Variants in PTPRD observed in about 807,000 individuals in gnomAD.
PTPRD encodes the protein protein tyrosine phosphatase receptor type D.
In PTPRD, 34 loss-of-function variants were observed where a neutral mutation model predicts 214.5. The ratio of observed to expected loss-of-function variants is 0.16; its 90% confidence interval spans 0.12 to 0.21. The LOEUF (loss-of-function observed/expected upper bound fraction) is 0.21. Among genes scored for constraint, PTPRD ranks in the 10% least tolerant of loss-of-function variants. PTPRD has a pLI of 1.00. For missense variants in PTPRD, 2,545 were observed against 2,398.7 expected (o/e 1.06, Z -1.27); for synonymous variants, 1,128 against 845.7 (o/e 1.33, Z -5.79).
At chr9:8,425,098 T>G (rs2094576041) in intron 35 of PTPRD, among the ~76,000 whole-genome samples, 1 of 152,176 alleles carries the variant, frequency 6.6e-6, no homozygotes, top group African/African-American at 2.4e-5. Context: ...AGAAAAACCA[T>G]GACAAATAAT....
chr9:9,462,148 A>G (rs571045257), intron 8 of PTPRD, among the ~76,000 whole-genome samples: 46 of 152,238 alleles, frequency 3.0e-4, no homozygotes, highest in African/African-American at 1.1e-3. Context: ...TGTTGAATTA[A>G]AAAGTATGAG....
At chr9:9,968,228 G>T (rs1468186785) in intron 4 of PTPRD, among the ~76,000 whole-genome samples, 1 of 152,088 alleles carries the variant, frequency 6.6e-6, no homozygotes, top group East Asian at 1.9e-4. Context: ...ACATTTGAAG[G>T]CCACAGATTT....
At chr9:10,086,812 G>T (rs990641281) in intron 3 of PTPRD, among the ~76,000 whole-genome samples, 21 of 151,758 alleles carry the variant, frequency 1.4e-4, no homozygotes, top group African/African-American at 5.1e-4. Flanking sequence ...TTCAGGAGAT[G>T]AGTTCAAATC....
At chr9:9,275,198 A>ATT (rs1555160172) in intron 9 of PTPRD, among the ~76,000 whole-genome samples, 2 of 12,952 alleles carry the variant, frequency 1.5e-4, no homozygotes, top group East Asian at 2.4e-3. Flanking sequence ...ATATATATAT[A>ATT]TTATATATAT....
At chr9:9,472,135 T>C (rs1475757488) in intron 8 of PTPRD, among the ~76,000 whole-genome samples, 1 of 151,956 alleles carries the variant, frequency 6.6e-6, no homozygotes, top group Non-Finnish European at 1.5e-5. Context: ...AAAGGACGTG[T>C]CTCATTTACA....
At chr9:10,263,715 C>T (rs1379400605) in intron 3 of PTPRD, among the ~76,000 whole-genome samples, 1 of 152,086 alleles carries the variant, frequency 6.6e-6, no homozygotes, top group South Asian at 2.1e-4. Flanking sequence ...GAAATTCAAG[C>T]GTGCTGCAGA....
At chr9:10,049,907 T>C (rs531644710) in intron 3 of PTPRD, among the ~76,000 whole-genome samples, 3 of 152,288 alleles carry the variant, frequency 2.0e-5, no homozygotes, top group South Asian at 4.2e-4. Context: ...TAGGGTAGCA[T>C]GACCTGTCTC....
At chr9:9,056,733 C>G (rs2099696924) in intron 10 of PTPRD, among the ~76,000 whole-genome samples, 1 of 152,220 alleles carries the variant, frequency 6.6e-6, no homozygotes, top group Admixed American at 6.5e-5. Flanking sequence ...CCAAGTCTTC[C>G]ATGTTTGGCG....
chr9:9,877,123 A>G (rs1445262088), intron 5 of PTPRD, among the ~76,000 whole-genome samples: 1 of 152,164 alleles, frequency 6.6e-6, no homozygotes, highest in African/African-American at 2.4e-5. Context: ...TTCAGCTGTC[A>G]TTTGAAATTT....
chr9:10,361,351 G>C (rs1032384799), intron 2 of PTPRD, among the ~76,000 whole-genome samples: 1 of 152,068 alleles, frequency 6.6e-6, no homozygotes. Context: ...TGGTGTTATC[G>C]AAATAGTTTG....
intron 2 of PTPRD, among the ~76,000 whole-genome samples, chr9:10,398,364 GAT>G (rs1240963901): frequency 2.0e-5 from 3 of 151,706 alleles, no homozygotes; most frequent in Non-Finnish European, 4.4e-5. Context: ...CTGGACTACA[GAT>G]ATGTCTATAT....
intron 2 of PTPRD, among the ~76,000 whole-genome samples, chr9:10,577,507 T>C (rs1340923545): frequency 6.6e-6 from 1 of 152,208 alleles, no homozygotes; most frequent in African/African-American, 2.4e-5. Context: ...TGTTCTCCTG[T>C]TGAGCCTCCA....
At chr9:10,358,374 T>A (rs2097315749) in intron 2 of PTPRD, among the ~76,000 whole-genome samples, 1 of 152,024 alleles carries the variant, frequency 6.6e-6, no homozygotes. Context: ...GTGTAAGTTT[T>A]ATTAATTATT....
chr9:10,270,893 C>A (rs916820901), intron 3 of PTPRD, among the ~76,000 whole-genome samples: 17 of 151,930 alleles, frequency 1.1e-4, no homozygotes, highest in Non-Finnish European at 2.2e-4. Flanking sequence ...TGCAGTGGTG[C>A]AATCATAGCT....
At chr9:8,971,607 C>A (rs2099238863) in intron 11 of PTPRD, among the ~76,000 whole-genome samples, 1 of 151,634 alleles carries the variant, frequency 6.6e-6, no homozygotes, top group Non-Finnish European at 1.5e-5. Flanking sequence ...TGTTTAGATT[C>A]TAGTGGCAAA....
At chr9:9,386,820 T>G (rs10124994) in intron 9 of PTPRD, among the ~76,000 whole-genome samples, 36,019 of 151,902 alleles carry the variant, frequency 0.24, 4,351 homozygotes, top group Middle Eastern at 0.38. Flanking sequence ...TTCATGGACA[T>G]TTGGATGTAC....
chr9:8,817,572 A>G (rs1260096753), intron 11 of PTPRD, among the ~76,000 whole-genome samples: 1 of 152,170 alleles, frequency 6.6e-6, no homozygotes, highest in African/African-American at 2.4e-5. Context: ...TCAAGAATGC[A>G]GTGAGCTGTG....
At chr9:9,853,671 C>G (rs2060980331) in intron 5 of PTPRD, among the ~76,000 whole-genome samples, 1 of 152,006 alleles carries the variant, frequency 6.6e-6, no homozygotes, top group Admixed American at 6.6e-5. Context: ...GCCTCAGCCT[C>G]CTGAGTAGTT....
chr9:9,651,826 GTTTTTTTTTT>G (rs869105633), intron 7 of PTPRD, among the ~76,000 whole-genome samples: 8 of 55,082 alleles, frequency 1.5e-4, no homozygotes, highest in Admixed American at 2.0e-4. Context: ...TTCAAGGTTT[GTTTTTTTTTT>G]TTTTTTTTTT....
Sources: allele counts gnomAD v4.1 joint callset (sites outside exome capture counted in the v4.1 genomes callset), GRCh38; gene constraint gnomAD v4.1.1; transcripts MANE v1.5; gene names NCBI Gene and HGNC (gene_info 2026-07-23, HGNC 2026-07-21).